The following C16orf78 variants were observed in gnomAD, a reference collection of about 807,000 sequenced individuals.
The protein encoded by C16orf78 is chromosome 16 open reading frame 78.
In C16orf78, 19 loss-of-function variants were observed where a neutral mutation model predicts 27.3. The ratio of observed to expected loss-of-function variants is 0.70; its 90% CI spans 0.49 to 1.02. C16orf78 has a LOEUF of 1.02. Among genes scored for constraint, C16orf78 ranks in the 50% least tolerant of loss-of-function variants. The probability of loss-of-function intolerance (pLI) is 0.00; values close to 1 mark genes in which losing one functional copy is unlikely to be tolerated. For missense variants in C16orf78, 339 were observed against 337.0 expected, an observed-to-expected ratio of 1.01 and a Z score of -0.05; for synonymous variants, 130 against 116.1, an observed-to-expected ratio of 1.12 and a Z score of -0.77.
At chr16:49,396,798 G>T in intron 4 of C16orf78, 120 bp downstream of exon 4, 1 of 1,327,008 alleles carries the variant, frequency 7.5e-7, no homozygotes. Context: ...GGCTTGGTGT[G>T]GCTGAGCTCC....
chr16:49,392,651 T>A (rs1295823247), intron 3 of C16orf78, among the ~76,000 whole-genome samples: 1 of 152,200 alleles, frequency 6.6e-6, no homozygotes, highest in Non-Finnish European at 1.5e-5. Context: ...TTTAGAAATC[T>A]AGGGAGAACC....
chr16:49,390,414 C>G (rs1435124478), intron 3 of C16orf78, among the ~76,000 whole-genome samples: 1 of 152,128 alleles, frequency 6.6e-6, no homozygotes, highest in African/African-American at 2.4e-5. Context: ...ATCTTTCAGT[C>G]TTTTCTCTTT....
intron 3 of C16orf78, among the ~76,000 whole-genome samples, chr16:49,383,861 A>T (rs1965315352): frequency 6.6e-6 from 1 of 152,214 alleles, no homozygotes; most frequent in South Asian, 2.1e-4. Flanking sequence ...TCTTCATTAC[A>T]CCACTAAAAT....
chr16:49,386,021 A>G (rs1965346219), intron 3 of C16orf78, among the ~76,000 whole-genome samples: 1 of 152,220 alleles, frequency 6.6e-6, no homozygotes, highest in African/African-American at 2.4e-5. Context: ...AAGGAATTGG[A>G]AAAGATATTC....
At chr16:49,395,462 A>T (rs201653313) in intron 3 of C16orf78, among the ~76,000 whole-genome samples, 1,823 of 81,278 alleles carry the variant, frequency 0.022, 44 homozygotes, top group African/African-American at 0.2. Context: ...TTTTTTTGCG[A>T]TTTTTTTTTT....
At chr16:49,394,977 C>T (rs1965453865) in intron 3 of C16orf78, among the ~76,000 whole-genome samples, 1 of 152,202 alleles carries the variant, frequency 6.6e-6, no homozygotes, top group South Asian at 2.1e-4. Flanking sequence ...GAGCAATCCT[C>T]CCACCTCAAC....
intron 3 of C16orf78, among the ~76,000 whole-genome samples, chr16:49,393,010 G>T (rs920159076): frequency 6.6e-6 from 1 of 152,136 alleles, no homozygotes; most frequent in Non-Finnish European, 1.5e-5. Context: ...TTATTCTTGC[G>T]TGCTGCCATG....
rs868089141 is a variant in C16orf78 at position 49,378,465 on chromosome 16, C to T, written c.271-5C>T. On this transcript the variant is annotated splice_region_variant and splice_polypyrimidine_tract_variant and intron_variant, in intron 2 of 4. Coordinates refer to ENST00000299191, the MANE Select transcript of C16orf78 (RefSeq NM_144602.4). ...GGGTGTGACTTCTCACCTGCTCCCT[C>T]CAAGGCCTTAGGAAAGAGATTCAGG... 1.9e-6 allele frequency: 3 copies of T among 1,570,144 alleles called. No homozygotes were observed. The highest frequency in any genetic ancestry group is 3.3e-4 in the Middle Eastern group (2 of 5,996).
chr16:49,385,015 C>G (rs1408462665), intron 3 of C16orf78, among the ~76,000 whole-genome samples: 1 of 152,138 alleles, frequency 6.6e-6, no homozygotes, highest in Non-Finnish European at 1.5e-5. Context: ...ACCATTGAAC[C>G]TGCCTTATAA....
At chr16:49,377,891 T>C in intron 2 of C16orf78, 41 bp downstream of exon 2, 1 of 1,548,266 alleles carries the variant, frequency 6.5e-7, no homozygotes. Flanking sequence ...CCACTGGGTC[T>C]CCAAATGGAG....
chr16:49,389,247 AC>A (rs1479235028), intron 3 of C16orf78, among the ~76,000 whole-genome samples: 1 of 151,970 alleles, frequency 6.6e-6, no homozygotes, highest in Non-Finnish European at 1.5e-5. Context: ...ACATGGCAAA[AC>A]CCCGTCTCTA....
At chr16:49,375,545 GT>G (rs111777445) in intron 1 of C16orf78, among the ~76,000 whole-genome samples, 2 of 152,254 alleles carry the variant, frequency 1.3e-5, no homozygotes, top group African/African-American at 4.8e-5. Context: ...CTTCATGACA[GT>G]ACCAAGGGGA....
chr16:49,383,928 G>A (rs1158398741), intron 3 of C16orf78, among the ~76,000 whole-genome samples: 1 of 152,154 alleles, frequency 6.6e-6, no homozygotes, highest in African/African-American at 2.4e-5. Flanking sequence ...TGAATTGACT[G>A]ACAAATAATT....
At position 49,399,199 on chromosome 16, in the gene C16orf78, T is replaced by C. The variant is rs745441761; in HGVS notation, c.719T>C (p.Val240Ala). The C allele has an allele frequency of 6.2e-7, 1 of 1,614,078 alleles. No homozygotes were observed. Among genetic ancestry groups the C allele is most frequent in the East Asian group, 2.2e-5 (1 of 44,888 alleles). ...LKLCKDAGMN[V>A]DIHPHMVEED... ...TTGTGCAAGGATGCAGGAATGAATG[T>C]GGATATCCACCCCCACATGGTCGAA... Residue 240 changes from valine (V) to alanine (A), a missense_variant, in exon 5 of 5, where the codon GTG becomes GCG. By Grantham distance (64) the Val-to-Ala change is moderately conservative. Transcript: ENST00000299191.
chr16:49,389,757 A>AT (rs1965391040), intron 3 of C16orf78, among the ~76,000 whole-genome samples: 1 of 151,902 alleles, frequency 6.6e-6, no homozygotes, highest in African/African-American at 2.4e-5. Flanking sequence ...CACACATTAT[A>AT]TTTTTCCATA....
At chr16:49,391,370 A>G (rs1328735903) in intron 3 of C16orf78, among the ~76,000 whole-genome samples, 2 of 152,196 alleles carry the variant, frequency 1.3e-5, no homozygotes, top group African/African-American at 4.8e-5. Flanking sequence ...CTAGAAGGCC[A>G]TACCCCCTTT....
chr16:49,375,988 G>A (rs1189640827), intron 1 of C16orf78, among the ~76,000 whole-genome samples: 1 of 152,172 alleles, frequency 6.6e-6, no homozygotes, highest in Non-Finnish European at 1.5e-5. Context: ...GACCTAGAGA[G>A]GGAGCAAGTT....
intron 3 of C16orf78, among the ~76,000 whole-genome samples, chr16:49,383,528 G>T (rs896274932): frequency 2.0e-5 from 3 of 152,094 alleles, no homozygotes; most frequent in Non-Finnish European, 4.4e-5. Context: ...CCAGTTACTG[G>T]GTCCTGTAGC....
rs188522958 is a variant in C16orf78 at position 49,392,995 on chromosome 16, A to T, written c.395-3428A>T. Among the ~76,000 whole-genome samples, 8 of 152,312 alleles carry T rather than the reference A, an allele frequency of 5.3e-5. No individual in the cohort carries two copies. In the East Asian group the frequency reaches 1.3e-3, roughly 26 times the overall value. On this transcript the variant is annotated intron_variant, in intron 3 of 4. Coordinates refer to ENST00000299191, the MANE Select transcript of C16orf78 (RefSeq NM_144602.4). The stretch of plus-strand genomic sequence containing the variant: ...GTTTTGTAAATGGGAGTTCCCCTGC[A>T]CAAGTTATTCTTGCGTGCTGCCATG...
Sources: allele counts gnomAD v4.1 joint callset (sites outside exome capture counted in the v4.1 genomes callset), GRCh38; gene constraint gnomAD v4.1.1; transcripts MANE v1.5; gene names NCBI Gene and HGNC (gene_info 2026-07-23, HGNC 2026-07-21).